JAKMIP2: variants seen among roughly 807,000 people sequenced by gnomAD.
JAKMIP2 encodes janus kinase and microtubule interacting protein 2, also known as janus kinase and microtubule-interacting protein 2.
A neutral mutation model predicts 115.0 loss-of-function variants in JAKMIP2; 25 were observed. The ratio of observed to expected loss-of-function variants is 0.22; its 90% CI spans 0.16 to 0.30. The LOEUF is 0.30. JAKMIP2 is among the 10% of genes least tolerant of loss of function. The pLI is 1.00. For synonymous variants in JAKMIP2, 334 were observed against 343.6 expected (o/e 0.97, Z 0.31); for missense variants, 642 against 957.6 (o/e 0.67, Z 4.35).
At chr5:147,768,340 C>T (rs930529026) in intron 1 of JAKMIP2, among the ~76,000 whole-genome samples, 2 of 152,160 alleles carry the variant, frequency 1.3e-5, no homozygotes, top group Admixed American at 6.5e-5. Context: ...CCTACACATA[C>T]GCCTAACTTA....
At chr5:147,611,315 T>C (rs2126624657) in intron 20 of JAKMIP2, among the ~76,000 whole-genome samples, 1 of 152,274 alleles carries the variant, frequency 6.6e-6, no homozygotes, top group African/African-American at 2.4e-5. Context: ...CCTTGTGGTG[T>C]AGGCACCTGA....
At chr5:147,698,233 T>A (rs866833203) in intron 1 of JAKMIP2, among the ~76,000 whole-genome samples, 3 of 152,210 alleles carry the variant, frequency 2.0e-5, no homozygotes, top group African/African-American at 7.2e-5. Flanking sequence ...GGCCAATTTG[T>A]CCCATTTTGA....
intron 16 of JAKMIP2, among the ~76,000 whole-genome samples, chr5:147,626,390 G>A (rs1405406693): frequency 6.6e-6 from 1 of 152,128 alleles, no homozygotes; most frequent in Non-Finnish European, 1.5e-5. Context: ...CCTCAGCTCC[G>A]ACAGCCCAGC....
chr5:147,677,112 C>T (rs1157347534), intron 1 of JAKMIP2, among the ~76,000 whole-genome samples: 1 of 152,176 alleles, frequency 6.6e-6, no homozygotes, highest in East Asian at 1.9e-4. Flanking sequence ...TCACTTAATT[C>T]TCTAGGCCTC....
In JAKMIP2 at chr5:147,631,456, C is replaced by T; in HGVS notation, c.1832G>A (p.Gly611Asp). 1 of 1,612,270 alleles carries T rather than the reference C, an allele frequency of 6.2e-7. No individual in the cohort carries two copies. Among genetic ancestry groups the T allele is most frequent in the Non-Finnish European group, 8.5e-7 (1 of 1,178,478 alleles). Residue 611 changes from glycine (G) to aspartate (D), a missense_variant, in exon 14 of 22, where the codon GGT (glycine) becomes GAT (aspartate). This residue lies in a region of JAKMIP2 where 103 missense variants were observed against 177.6 expected (regional missense o/e 0.58). Coordinates refer to ENST00000616793, the MANE Select transcript of JAKMIP2 (RefSeq NM_001270941.2). ...FNLQIHPFSD[G>D]VSALQIYCMK... ...ACAGTAGATCTGTAGAGCACTCACA[C>T]CATCTGAGAATGGGTGAATTTGGAG... is the stretch of plus-strand genomic sequence containing the variant.
At chr5:147,611,427 G>A (rs1466679518) in intron 20 of JAKMIP2, among the ~76,000 whole-genome samples, 1 of 152,132 alleles carries the variant, frequency 6.6e-6, no homozygotes, top group African/African-American at 2.4e-5. Flanking sequence ...GGCTTCCCTT[G>A]GCTAGGGGAG....
At chr5:147,697,338 C>A (rs1364162044) in intron 1 of JAKMIP2, among the ~76,000 whole-genome samples, 1 of 152,276 alleles carries the variant, frequency 6.6e-6, no homozygotes, top group South Asian at 2.1e-4. Flanking sequence ...GAAAGACCAG[C>A]CCCCATGATT....
intron 3 of JAKMIP2, among the ~76,000 whole-genome samples, chr5:147,652,281 C>T (rs903159880): frequency 2.0e-5 from 3 of 152,086 alleles, no homozygotes; most frequent in Non-Finnish European, 4.4e-5. Flanking sequence ...AACTATAGAG[C>T]CCATTCTGTT....
chr5:147,619,710 A>G (rs1346638702), intron 18 of JAKMIP2, among the ~76,000 whole-genome samples: 1 of 152,188 alleles, frequency 6.6e-6, no homozygotes. Context: ...CTCCTTAATC[A>G]GCATAATCTT....
intron 2 of JAKMIP2, among the ~76,000 whole-genome samples, chr5:147,665,240 A>T (rs1347129225): frequency 1.3e-5 from 2 of 152,154 alleles, no homozygotes; most frequent in East Asian, 3.8e-4. Flanking sequence ...TTCATGCTAC[A>T]ATGGAGTTGA....
chr5:147,689,145 G>A (rs754351914), intron 1 of JAKMIP2, among the ~76,000 whole-genome samples: 4 of 152,180 alleles, frequency 2.6e-5, no homozygotes, highest in Non-Finnish European at 5.9e-5. Flanking sequence ...TCCACAGTGA[G>A]CACAGACGTC....
At position 147,782,664 on chromosome 5, in the gene JAKMIP2, GGCAGCAGCAGCA is replaced by G. The variant is rs3840518; in HGVS notation, c.-369_-358del. On this transcript the variant is annotated 5_prime_UTR_variant, in exon 1 of 22. Transcript: ENST00000616793. ...TATCAGCAATAGAGGCGGCGGCGGC[GGCAGCAGCAGCA>G]GCAGCAGCATCACCAGTTGGGCCTC... 1.1e-5 allele frequency: 7 copies of G among 636,664 alleles called. No homozygotes were observed. The highest frequency in any genetic ancestry group is 2.0e-5 in the Non-Finnish European group (7 of 350,046). The allele number at this position is 636,664 out of a possible 1,614,324, so 39.4% of individuals were successfully genotyped here. A position where few individuals can be genotyped will look rare whatever the true frequency, so the allele number is the denominator to read the frequency against.
intron 1 of JAKMIP2, among the ~76,000 whole-genome samples, chr5:147,742,163 T>TTA (rs1413650418): frequency 1.1e-5 from 1 of 90,612 alleles, no homozygotes; most frequent in African/African-American, 5.9e-5. Flanking sequence ...ATATTTTTTT[T>TTA]ACTATTGTAT....
At chr5:147,667,205 G>C (rs1046470956) in intron 2 of JAKMIP2, among the ~76,000 whole-genome samples, 2 of 152,074 alleles carry the variant, frequency 1.3e-5, no homozygotes, top group Non-Finnish European at 2.9e-5. Context: ...GAGAGCACTC[G>C]GTAGGGCTTT....
intron 1 of JAKMIP2, among the ~76,000 whole-genome samples, chr5:147,742,025 A>G (rs989973722): frequency 2.0e-5 from 3 of 151,592 alleles, no homozygotes; most frequent in Non-Finnish European, 2.9e-5. Flanking sequence ...CACTCTGCTA[A>G]CTAGTGTAAT....
At chr5:147,750,960 T>C (rs541134071) in intron 1 of JAKMIP2, among the ~76,000 whole-genome samples, 37 of 152,344 alleles carry the variant, frequency 2.4e-4, no homozygotes, top group Non-Finnish European at 5.0e-4. Flanking sequence ...ACCCAGTCTG[T>C]GGTTTTCTAT....
chr5:147,634,287 C>T (rs1187613442), intron 12 of JAKMIP2, among the ~76,000 whole-genome samples: 10 of 151,778 alleles, frequency 6.6e-5, no homozygotes, highest in African/African-American at 9.7e-5. Context: ...TTAAGACTAA[C>T]GGAAATCAGA....
At chr5:147,713,330 C>A (rs532242869) in intron 1 of JAKMIP2, among the ~76,000 whole-genome samples, 6 of 151,876 alleles carry the variant, frequency 4.0e-5, no homozygotes, top group Non-Finnish European at 8.8e-5. Flanking sequence ...CATTTTTTAA[C>A]AAAAAGTGAC....
At chr5:147,714,578 T>C (rs1335950041) in intron 1 of JAKMIP2, among the ~76,000 whole-genome samples, 5 of 152,098 alleles carry the variant, frequency 3.3e-5, no homozygotes, top group Non-Finnish European at 7.4e-5. Flanking sequence ...AAAGGCTAAA[T>C]TTTTTTTAGA....
Sources: allele counts gnomAD v4.1 joint callset (sites outside exome capture counted in the v4.1 genomes callset), GRCh38; gene constraint gnomAD v4.1.1; regional missense constraint gnomAD v4.1.1; transcripts MANE v1.5; gene names NCBI Gene and HGNC (gene_info 2026-07-23, HGNC 2026-07-21).